KCNH1: variants seen among roughly 807,000 people sequenced by gnomAD.
The protein encoded by KCNH1 is voltage-gated delayed rectifier potassium channel KCNH1.
A neutral mutation model predicts 69.2 loss-of-function variants in KCNH1; 27 were observed. That is an observed-to-expected ratio of 0.39 (90% CI 0.29 to 0.54). The LOEUF (loss-of-function observed/expected upper bound fraction) is 0.54. Ranked by LOEUF, KCNH1 falls within the 20% of genes least tolerant of loss-of-function variation. KCNH1 has a pLI of 0.68. For missense variants in KCNH1, 798 were observed against 1,261.6 expected (o/e 0.63, Z 5.57); for synonymous variants, 456 against 487.7 (o/e 0.93, Z 0.86).
At chr1:210,951,737 G>C (rs184708127) in intron 6 of KCNH1, among the ~76,000 whole-genome samples, 101 of 152,204 alleles carry the variant, frequency 6.6e-4, no homozygotes, top group Non-Finnish European at 1.1e-3. Context: ...TATAAAAAGA[G>C]ATATGGTGTT....
intron 7 of KCNH1, among the ~76,000 whole-genome samples, chr1:210,856,596 T>C (rs556561879): frequency 1.3e-5 from 2 of 151,412 alleles, no homozygotes; most frequent in South Asian, 4.2e-4. Context: ...TTTGGGCACA[T>C]TTTTACCCCA....
intron 6 of KCNH1, among the ~76,000 whole-genome samples, chr1:210,930,317 A>G (rs541175407): frequency 1.3e-5 from 2 of 152,300 alleles, no homozygotes; most frequent in South Asian, 4.1e-4. Context: ...AAAACAGCAT[A>G]GTACTGGTAT....
In KCNH1 at chr1:210,912,009, A is replaced by G. The variant is rs73071559; in HGVS notation, c.1462+7631T>C. On this transcript the variant is annotated intron_variant, in intron 7 of 10. Coordinates refer to ENST00000271751, the MANE Select transcript of KCNH1 (RefSeq NM_172362.3). Reference sequence around the variant, plus strand: ...AATCAACAAGGAAAGCAACAAGACAAAGGGAATGACTTTGTCAGATGAAAC... The same window carrying G: ...AATCAACAAGGAAAGCAACAAGACAGAGGGAATGACTTTGTCAGATGAAAC... Among the ~76,000 whole-genome samples, 981 of 152,274 alleles carry G rather than the reference A, an allele frequency of 6.4e-3. 9 individuals are homozygous for G. The highest frequency in any genetic ancestry group is 0.023 in the African/African-American group (938 of 41,560).
At chr1:211,000,817 A>C (rs1271497538) in intron 6 of KCNH1, among the ~76,000 whole-genome samples, 1 of 152,214 alleles carries the variant, frequency 6.6e-6, no homozygotes, top group Non-Finnish European at 1.5e-5. Context: ...AAACAGAGAT[A>C]TAGATCAATG....
At chr1:210,787,514 C>T (rs1316312984) in intron 9 of KCNH1, among the ~76,000 whole-genome samples, 1 of 152,178 alleles carries the variant, frequency 6.6e-6, no homozygotes, top group Non-Finnish European at 1.5e-5. Context: ...TAGCACTGTA[C>T]CTGATGCGTT....
At chr1:211,102,763 T>C (rs909277297) in intron 3 of KCNH1, among the ~76,000 whole-genome samples, 27 of 152,208 alleles carry the variant, frequency 1.8e-4, no homozygotes, top group African/African-American at 5.8e-4. Context: ...AGTTGTTCAA[T>C]TGAATCAATT....
At chr1:210,958,365 G>A (rs1000271353) in intron 6 of KCNH1, among the ~76,000 whole-genome samples, 1 of 152,080 alleles carries the variant, frequency 6.6e-6, no homozygotes, top group African/African-American at 2.4e-5. Flanking sequence ...TTCAACGTTG[G>A]TGAATCTGAC....
At chr1:211,103,816 TACAC>T (rs1439469292) in intron 2 of KCNH1, among the ~76,000 whole-genome samples, 1 of 152,202 alleles carries the variant, frequency 6.6e-6, no homozygotes. Context: ...TAATGAGAGA[TACAC>T]ACCATAAAAC....
At chr1:211,085,852 G>A (rs1690942986) in intron 4 of KCNH1, among the ~76,000 whole-genome samples, 1 of 152,166 alleles carries the variant, frequency 6.6e-6, no homozygotes, top group Non-Finnish European at 1.5e-5. Context: ...GGCCAAATGG[G>A]AGCGGACAAC....
chr1:211,042,854 C>T (rs1690023143), intron 5 of KCNH1, among the ~76,000 whole-genome samples: 1 of 152,116 alleles, frequency 6.6e-6, no homozygotes, highest in African/African-American at 2.4e-5. Context: ...AATTAAACAA[C>T]CTGCTCCTGA....
intron 6 of KCNH1, among the ~76,000 whole-genome samples, chr1:211,012,774 T>G (rs1437048779): frequency 6.6e-6 from 1 of 152,178 alleles, no homozygotes. Flanking sequence ...CTATAGGCTA[T>G]ATGCTATATG....
chr1:210,683,478 T>G lies in KCNH1; in HGVS notation c.2773A>C (p.Thr925Pro), dbSNP rs149205697. 1 of 1,614,156 alleles carries G rather than the reference T, an allele frequency of 6.2e-7. No individual in the cohort carries two copies. Among genetic ancestry groups the G allele is most frequent in the East Asian group, 2.2e-5 (1 of 44,876 alleles). The stretch of plus-strand genomic sequence containing the variant: ...AGCTCGTGCCTCACCTCCAGGACTG[T>G]GGCCTGCAGCGTCTGCTCAGGGATG... ...YPIPEQTLQA[T>P]VLEVRHELKE... The change falls in exon 11 of 11, where the codon ACA becomes CCA. Residue 925 changes from threonine to proline, a missense_variant. Coordinates refer to ENST00000271751, the MANE Select transcript of KCNH1 (RefSeq NM_172362.3). This position sits in a 1 kb window ranked among gnomAD's most constrained non-coding sequence, Gnocchi z 5.7.
chr1:211,116,337 T>G (rs1486014047), intron 1 of KCNH1, among the ~76,000 whole-genome samples: 1 of 152,126 alleles, frequency 6.6e-6, no homozygotes, highest in Non-Finnish European at 1.5e-5. Context: ...CAATATAACT[T>G]CTGCAGTAGT....
intron 9 of KCNH1, among the ~76,000 whole-genome samples, chr1:210,777,153 C>T (rs968742055): frequency 3.9e-5 from 6 of 152,196 alleles, no homozygotes; most frequent in Non-Finnish European, 5.9e-5. Context: ...AGCTGTTTTC[C>T]TGATTAAAGC....
At position 210,721,538 on chromosome 1, in the gene KCNH1, T is replaced by C. The variant is rs1160025783; in HGVS notation, c.2113-37400A>G. On this transcript the variant is annotated intron_variant, in intron 10 of 10. Transcript: ENST00000271751. ...CAACAGAAGACTGCATAGAAGTTGA[T>C]GGCCGAAATAAAATGTAGATTCTCC... Among the ~76,000 whole-genome samples, 3 of 152,218 alleles carry C rather than the reference T, an allele frequency of 2.0e-5. No individual in the cohort carries two copies. In the East Asian group the frequency reaches 5.8e-4, roughly 29 times the overall value.
At position 210,958,003 on chromosome 1, in the gene KCNH1, T is replaced by C. The variant is rs558743585; in HGVS notation, c.1033-37934A>G. ...CTCATTAATTGATGCAGTTTCTTCA[T>C]AGCATCAATGATCTTTACAATTTGG... On this transcript the variant is annotated intron_variant, in intron 6 of 10. Coordinates refer to ENST00000271751, the MANE Select transcript of KCNH1 (RefSeq NM_172362.3). Among the ~76,000 whole-genome samples the C allele has an allele frequency of 5.9e-5, 9 of 152,366 alleles. No homozygotes were observed. The South Asian group carries it at 6.2e-4, about 11-fold the overall frequency.
intron 10 of KCNH1, among the ~76,000 whole-genome samples, chr1:210,755,021 G>A (rs979069224): frequency 6.6e-6 from 1 of 152,196 alleles, no homozygotes; most frequent in East Asian, 1.9e-4. Flanking sequence ...GCCTGCTTCT[G>A]CAGAAGGAGA....
At chr1:211,037,465 G>A (rs996974748) in intron 5 of KCNH1, among the ~76,000 whole-genome samples, 6 of 148,934 alleles carry the variant, frequency 4.0e-5, no homozygotes, top group Admixed American at 1.3e-4. Flanking sequence ...AGGACTGTAC[G>A]CTCAAGTCCA....
intron 5 of KCNH1, among the ~76,000 whole-genome samples, chr1:211,023,524 G>T (rs1044193740): frequency 2.0e-5 from 3 of 151,486 alleles, no homozygotes; most frequent in Non-Finnish European, 4.4e-5. Flanking sequence ...AACTCTGGAG[G>T]ATATTATGTT....
Sources: gnomAD v4.1 joint callset for allele counts (sites outside exome capture counted in the v4.1 genomes callset) on GRCh38, gnomAD v4.1.1 for gene constraint, Gnocchi (gnomAD v3.1) non-coding constraint, MANE v1.5 for transcripts, NCBI Gene and HGNC (gene_info 2026-07-23, HGNC 2026-07-21) for gene names.